DNAH17: variants seen among roughly 807,000 people sequenced by gnomAD.
The protein encoded by DNAH17 is axonemal beta dynein heavy chain 17.
A neutral mutation model predicts 485.6 loss-of-function variants in DNAH17; 376 were observed. That is an observed-to-expected ratio of 0.77 (90% CI 0.71 to 0.84). The LOEUF is 0.84. DNAH17 is among the 40% of genes least tolerant of loss of function. The pLI, the probability that DNAH17 is intolerant of heterozygous loss-of-function variation, is 0.00. For synonymous variants in DNAH17, 3,031 were observed against 2,405.9 expected, an observed-to-expected ratio of 1.26 and a Z score of -7.60; for missense variants, 6,370 against 5,839.3, an observed-to-expected ratio of 1.09 and a Z score of -2.96.
intron 16 of DNAH17, among the ~76,000 whole-genome samples, chr17:78,550,418 C>A (rs1384012055): frequency 1.4e-4 from 1 of 7,238 alleles, no homozygotes; most frequent in South Asian, 3.4e-3. Context: ...GGGGCCCTGA[C>A]ACCCATACCT....
At chr17:78,440,235 G>A (rs2087017319) in intron 72 of DNAH17, among the ~76,000 whole-genome samples, 2 of 134,652 alleles carry the variant, frequency 1.5e-5, no homozygotes, top group South Asian at 2.5e-4. Context: ...GCACCTGGCC[G>A]ACTTCATGCT....
Position 78,425,371 on chromosome 17 carries a change from G to A in DNAH17, c.13116C>T (p.Ser4372=). 1 of 1,613,968 alleles carries A rather than the reference G, an allele frequency of 6.2e-7. No individual in the cohort carries two copies. The highest frequency in any genetic ancestry group is 8.5e-7 in the Non-Finnish European group (1 of 1,179,880). ...CTTCCATGAAGAGTCCGTACACGTA[G>A]GAGCCCTCTCGCGGAGGAGCGGTCA... ...EDMTAPPREG[S]YVYGLFMEGA... is the part of the protein sequence containing the mutation. Residue 4372 remains serine, a synonymous_variant, in exon 80 of 81, where the codon TCC becomes TCT. Transcript: ENST00000389840.
At chr17:78,534,746 A>G (rs898442978) in intron 19 of DNAH17, among the ~76,000 whole-genome samples, 2 of 152,102 alleles carry the variant, frequency 1.3e-5, no homozygotes, top group African/African-American at 4.8e-5. Flanking sequence ...GGCAGGTGAG[A>G]CCTGCTGCCT....
At chr17:78,569,575 G>C in intron 7 of DNAH17, 48 bp from the exon 8 acceptor site, 6 of 1,570,776 alleles carry the variant, frequency 3.8e-6, no homozygotes, top group Non-Finnish European at 5.2e-6. Context: ...AAGCCATTTG[G>C]GGTGACGTCC....
chr17:78,486,271 C>T lies in DNAH17; in HGVS notation c.7054G>A (p.Val2352Met), dbSNP rs530735903. 41 of 1,604,202 alleles carry T rather than the reference C, an allele frequency of 2.6e-5. No individual in the cohort carries two copies. The South Asian group carries it at 2.8e-4, about 11-fold the overall frequency. Residue 2352 changes from valine (V) to methionine (M), a missense_variant, in exon 45 of 81, where the codon GTG becomes ATG. Val to Met is a conservative substitution (Grantham distance 21, BLOSUM62 1). Coordinates refer to ENST00000389840, the MANE Select transcript of DNAH17 (RefSeq NM_173628.4). ...CCGAAGGCCCAGAAGCAGGTGAACACGAAGTACAGCTCGTACAGCTCCCTG... is the reference window on the plus strand; with the variant it reads ...CCGAAGGCCCAGAAGCAGGTGAACATGAAGTACAGCTCGTACAGCTCCCTG... ...SPRELYELYF[V>M]FTCFWAFGGA...
Position 78,527,001 on chromosome 17 carries a change from G to C in DNAH17, c.3508-5C>G, listed in dbSNP as rs113319497. 9 of 1,560,996 alleles carry C rather than the reference G, an allele frequency of 5.8e-6. No homozygotes were observed. Among genetic ancestry groups the C allele is most frequent in the East Asian group, 2.4e-5 (1 of 42,548 alleles). On this transcript the variant is annotated splice_region_variant and splice_polypyrimidine_tract_variant and intron_variant, in intron 22 of 80. Coordinates refer to ENST00000389840, the MANE Select transcript of DNAH17 (RefSeq NM_173628.4). ...TGCCCAGTGCTCCGGCAGCTCCTGC[G>C]GGAAGCAAAGGCAGAGGAGGGCTCC...
At chr17:78,519,546 C>T (rs912115677) in intron 25 of DNAH17, among the ~76,000 whole-genome samples, 2 of 151,996 alleles carry the variant, frequency 1.3e-5, no homozygotes, top group East Asian at 1.9e-4. Flanking sequence ...CTATTATGAC[C>T]GACAAAGATG....
At chr17:78,491,647 C>T in intron 42 of DNAH17, 77 bp from the exon 43 acceptor site, 2 of 1,530,546 alleles carry the variant, frequency 1.3e-6, no homozygotes, top group South Asian at 2.5e-5. Context: ...TGACCCTGGC[C>T]TCTCTCTCTG....
At chr17:78,543,558 G>A (rs1231975758) in intron 17 of DNAH17, among the ~76,000 whole-genome samples, 3 of 152,046 alleles carry the variant, frequency 2.0e-5, no homozygotes, top group East Asian at 3.9e-4. Context: ...CCAAAGTGCT[G>A]GGATTACAGG....
Position 78,574,777 on chromosome 17 carries a change from G to A in DNAH17, c.281C>T (p.Ala94Val), listed in dbSNP as rs751246865. The change falls in exon 2 of 81, where the codon GCC becomes GTC. Residue 94 changes from alanine (A) to valine (V), a missense_variant. Coordinates refer to ENST00000389840, the MANE Select transcript of DNAH17 (RefSeq NM_173628.4). Reference protein sequence around the residue: ...SENINKDNYRARLLYGDISPT... With the variant: ...SENINKDNYRVRLLYGDISPT... Reference sequence around the variant, plus strand: ...GCTGATGTCGCCGTAAAGGAGCCGGGCCCTGTAGTTGTCCTTGTTGATGTT... The same window carrying A: ...GCTGATGTCGCCGTAAAGGAGCCGGACCCTGTAGTTGTCCTTGTTGATGTT... 6.2e-6 allele frequency: 10 copies of A among 1,613,874 alleles called. No homozygotes were observed. The highest frequency in any genetic ancestry group is 8.5e-6 in the Non-Finnish European group (10 of 1,179,890).
chr17:78,488,159 GTGTGTGC>G (rs1364711270), intron 44 of DNAH17, among the ~76,000 whole-genome samples: 1 of 152,222 alleles, frequency 6.6e-6, no homozygotes, highest in African/African-American at 2.4e-5. Context: ...GCGGGTCGGT[GTGTGTGC>G]TGTCTCTGAT....
chr17:78,558,278 G>C, intron 13 of DNAH17, 24 bp from the exon 14 acceptor site: 1 of 1,611,136 alleles, frequency 6.2e-7, no homozygotes, highest in Non-Finnish European at 8.5e-7. Context: ...GAAGATCAAA[G>C]AACATGTCAG....
At chr17:78,497,591 G>A (rs1484252767) in intron 37 of DNAH17, among the ~76,000 whole-genome samples, 1 of 152,238 alleles carries the variant, frequency 6.6e-6, no homozygotes, top group African/African-American at 2.4e-5. Context: ...GGGGGCAAGG[G>A]AGAGGGTCCC....
chr17:78,469,637 C>T (rs2088652722), intron 54 of DNAH17, among the ~76,000 whole-genome samples: 1 of 152,204 alleles, frequency 6.6e-6, no homozygotes, highest in Non-Finnish European at 1.5e-5. Context: ...GAACAGAGCA[C>T]AGCCAGGTTC....
chr17:78,573,034 C>T (rs1385419305), intron 2 of DNAH17, 140 bp from the exon 3 acceptor site: 1 of 695,198 alleles, frequency 1.4e-6, no homozygotes, highest in Non-Finnish European at 2.4e-6. Flanking sequence ...AGCCAGGTCC[C>T]CAGGGGGATT....
rs759734107 is a variant in DNAH17 at position 78,431,456 on chromosome 17, C to CCCT, written c.12226-2157_12226-2156insAGG. On this transcript the variant is annotated intron_variant, in intron 75 of 80. Transcript: ENST00000389840. ...CCGTACCTGCTGAGGGAACCCCCCA[C>CCCT]CCCGAGACTCCTGGGGGAGCTGTAG... 8.6e-4 allele frequency among the ~76,000 whole-genome samples: 130 copies of CCCT among 151,516 alleles called. 1 individual carries two copies. The highest frequency in any genetic ancestry group is 1.6e-3 in the Non-Finnish European group (107 of 67,782).
At position 78,478,189 on chromosome 17, in the gene DNAH17, TCACCATCATATCACCACCAC is replaced by T. The variant is rs2089160789; in HGVS notation, c.7992+816_7992+835del. On this transcript the variant is annotated intron_variant, in intron 51 of 80. Transcript: ENST00000389840. ...CATAACATCACCATCATCACCATTATCACCATCATATCACCACCACCACCATCATCACCACATCACCATCA... is the reference window on the plus strand; with the variant it reads ...CATAACATCACCATCATCACCATTATCACCATCATCACCACATCACCATCA... 3.6e-5 allele frequency among the ~76,000 whole-genome samples: 4 copies of T among 110,496 alleles called. No homozygotes were observed. In the Admixed American group the frequency reaches 3.8e-4, roughly 11 times the overall value. The allele number at this position is 110,496 out of a possible 152,430, so 72.5% of individuals were successfully genotyped here. A position where few individuals can be genotyped will look rare whatever the true frequency, so the allele number is the denominator to read the frequency against.
chr17:78,574,056 A>G (rs1298153591), intron 2 of DNAH17, among the ~76,000 whole-genome samples: 1 of 152,210 alleles, frequency 6.6e-6, no homozygotes, highest in Non-Finnish European at 1.5e-5. Context: ...GCCAGTACTC[A>G]GTCCCCACCT....
At chr17:78,479,382 G>T in intron 50 of DNAH17, 103 bp downstream of exon 50, 1 of 1,336,646 alleles carries the variant, frequency 7.5e-7, no homozygotes, top group African/African-American at 1.5e-5. Context: ...TATTGATTTA[G>T]AATTATAAAT....
Sources: allele counts gnomAD v4.1 joint callset (sites outside exome capture counted in the v4.1 genomes callset), GRCh38; gene constraint gnomAD v4.1.1; transcripts MANE v1.5; gene names NCBI Gene and HGNC (gene_info 2026-07-23, HGNC 2026-07-21).